Variants in STX8 observed in about 807,000 individuals in gnomAD.
STX8 encodes the protein syntaxin 8.
STX8 carries 23 observed loss-of-function variants against 37.5 expected under a neutral mutation model. The ratio of observed to expected loss-of-function variants is 0.61; its 90% CI spans 0.44 to 0.87. The LOEUF (loss-of-function observed/expected upper bound fraction) is 0.87. Among genes scored for constraint, STX8 ranks in the 40% least tolerant of loss-of-function variants. STX8 has a pLI of 0.00. For synonymous variants in STX8, 115 were observed against 99.1 expected, an observed-to-expected ratio of 1.16 and a Z score of -0.95; for missense variants, 313 against 284.7, an observed-to-expected ratio of 1.10 and a Z score of -0.71.
At chr17:9,277,206 G>T (rs1384569285) in intron 7 of STX8, among the ~76,000 whole-genome samples, 1 of 152,164 alleles carries the variant, frequency 6.6e-6, no homozygotes, top group East Asian at 1.9e-4. Flanking sequence ...ACTTAAAAAT[G>T]AGTAAGGAAC....
chr17:9,327,224 G>A lies in STX8; in HGVS notation c.643+51328C>T, dbSNP rs556076332. On this transcript the variant is annotated intron_variant, in intron 7 of 7. Transcript: ENST00000306357. ...AGGAAGAAGGAGGAAGAAGGAGGAA[G>A]AAGGAGGAAGGAGGACAGAGGAGGA... is the stretch of plus-strand genomic sequence containing the variant. Among the ~76,000 whole-genome samples, 4 of 147,696 alleles carry A rather than the reference G, an allele frequency of 2.7e-5. No individual in the cohort carries two copies. In the East Asian group the frequency reaches 5.8e-4, roughly 22 times the overall value.
intron 7 of STX8, among the ~76,000 whole-genome samples, chr17:9,329,664 A>G (rs1909898495): frequency 6.6e-6 from 1 of 152,262 alleles, no homozygotes; most frequent in African/African-American, 2.4e-5. Flanking sequence ...TTCGAGTCCC[A>G]TCGGACCACT....
intron 6 of STX8, among the ~76,000 whole-genome samples, chr17:9,418,920 T>A (rs1258150938): frequency 7.0e-6 from 1 of 143,398 alleles, no homozygotes. Context: ...CTCTTTTTTT[T>A]TCTTTTTTTT....
At chr17:9,411,321 C>A (rs995471022) in intron 6 of STX8, among the ~76,000 whole-genome samples, 1 of 152,158 alleles carries the variant, frequency 6.6e-6, no homozygotes, top group Non-Finnish European at 1.5e-5. Flanking sequence ...CAAAGGCTTC[C>A]CCACTTGGGA....
At chr17:9,262,762 A>C (rs984114449) in intron 7 of STX8, among the ~76,000 whole-genome samples, 1 of 151,926 alleles carries the variant, frequency 6.6e-6, no homozygotes, top group Non-Finnish European at 1.5e-5. Flanking sequence ...TTGTATTTTT[A>C]GTAGACACAG....
chr17:9,440,302 CCT>C (rs1467143171), intron 6 of STX8, among the ~76,000 whole-genome samples: 4 of 152,112 alleles, frequency 2.6e-5, no homozygotes, highest in South Asian at 4.1e-4. Flanking sequence ...GGCTGGGAAT[CCT>C]CTCTGATTCA....
At chr17:9,430,946 G>C (rs1409260936) in intron 6 of STX8, among the ~76,000 whole-genome samples, 1 of 151,984 alleles carries the variant, frequency 6.6e-6, no homozygotes, top group Non-Finnish European at 1.5e-5. Context: ...ACTGCCCCCG[G>C]CCTTTGGCTT....
At chr17:9,265,754 CCAAA>C (rs1907211344) in intron 7 of STX8, among the ~76,000 whole-genome samples, 1 of 152,162 alleles carries the variant, frequency 6.6e-6, no homozygotes, top group Non-Finnish European at 1.5e-5. Flanking sequence ...CAACAATGAA[CCAAA>C]CAGACAAAAA....
intron 5 of STX8, among the ~76,000 whole-genome samples, chr17:9,502,100 G>A (rs1382457738): frequency 1.3e-5 from 2 of 152,330 alleles, no homozygotes; most frequent in African/African-American, 4.8e-5. Context: ...CACACTGTTG[G>A]TGGGGATGTA....
At chr17:9,272,980 G>A (rs180756248) in intron 7 of STX8, among the ~76,000 whole-genome samples, 3 of 152,232 alleles carry the variant, frequency 2.0e-5, no homozygotes, top group East Asian at 3.9e-4. Context: ...ATAATATTCC[G>A]AACATCCATC....
intron 6 of STX8, among the ~76,000 whole-genome samples, chr17:9,438,115 C>T (rs983869216): frequency 6.6e-6 from 1 of 151,740 alleles, no homozygotes; most frequent in African/African-American, 2.4e-5. Context: ...TGGTGGCACA[C>T]ACCTGTTGTC....
chr17:9,377,228 C>T (rs1442151647), intron 7 of STX8, among the ~76,000 whole-genome samples: 1 of 152,014 alleles, frequency 6.6e-6, no homozygotes, highest in Non-Finnish European at 1.5e-5. Context: ...TTACATTTTT[C>T]ATATTAAAAA....
chr17:9,372,995 T>G (rs111552782), intron 7 of STX8, among the ~76,000 whole-genome samples: 1,598 of 150,246 alleles, frequency 0.011, 31 homozygotes, highest in African/African-American at 0.036. Flanking sequence ...TCCCAGCTAC[T>G]CAGGAGGCTG....
At chr17:9,459,650 G>C (rs1288478802) in intron 6 of STX8, among the ~76,000 whole-genome samples, 1 of 152,074 alleles carries the variant, frequency 6.6e-6, no homozygotes, top group Non-Finnish European at 1.5e-5. Context: ...CGAGTAGCTG[G>C]GACTACAGGC....
At chr17:9,569,002 T>C (rs971435451) in intron 1 of STX8, among the ~76,000 whole-genome samples, 2 of 152,174 alleles carry the variant, frequency 1.3e-5, no homozygotes, top group Non-Finnish European at 2.9e-5. Context: ...ATGAAGTGGG[T>C]ACCATTACCA....
intron 4 of STX8, among the ~76,000 whole-genome samples, chr17:9,537,482 C>T (rs371411909): frequency 6.6e-6 from 1 of 152,188 alleles, no homozygotes; most frequent in African/African-American, 2.4e-5. Context: ...GTCACCTTTA[C>T]GTGACAGACT....
intron 7 of STX8, among the ~76,000 whole-genome samples, chr17:9,313,947 A>G (rs539365185): frequency 6.6e-6 from 1 of 152,214 alleles, no homozygotes; most frequent in South Asian, 2.1e-4. Context: ...TTAAATTCCC[A>G]TAACAGTTTA....
chr17:9,364,527 T>C (rs1212555424), intron 7 of STX8, among the ~76,000 whole-genome samples: 2 of 152,136 alleles, frequency 1.3e-5, no homozygotes, highest in Non-Finnish European at 2.9e-5. Flanking sequence ...GTTATTATTA[T>C]TGTTGTTTAT....
At chr17:9,444,694 C>T (rs1191328015) in intron 6 of STX8, among the ~76,000 whole-genome samples, 1 of 152,168 alleles carries the variant, frequency 6.6e-6, no homozygotes, top group Non-Finnish European at 1.5e-5. Context: ...TATGTATGCA[C>T]ACAAACATGT....
Sources: allele counts gnomAD v4.1 joint callset (sites outside exome capture counted in the v4.1 genomes callset), GRCh38; gene constraint gnomAD v4.1.1; transcripts MANE v1.5; gene names NCBI Gene and HGNC (gene_info 2026-07-23, HGNC 2026-07-21).